ATP8A2: variants seen among roughly 807,000 people sequenced by gnomAD.
The protein encoded by ATP8A2 is ATPase phospholipid transporting 8A2.
In ATP8A2, 100 loss-of-function variants were observed where a neutral mutation model predicts 165.6. The ratio of observed to expected loss-of-function variants is 0.60; its 90% CI spans 0.51 to 0.71. The LOEUF (loss-of-function observed/expected upper bound fraction) is 0.71. Among genes scored for constraint, ATP8A2 ranks in the 30% least tolerant of loss-of-function variants. The pLI is 0.00. For synonymous variants in ATP8A2, 543 were observed against 548.8 expected (o/e 0.99, Z 0.15); for missense variants, 1,227 against 1,479.5 (o/e 0.83, Z 2.80).
intron 25 of ATP8A2, among the ~76,000 whole-genome samples, chr13:25,699,585 C>T (rs910913341): frequency 6.6e-6 from 1 of 152,166 alleles, no homozygotes; most frequent in Non-Finnish European, 1.5e-5. Flanking sequence ...AGAACCAGGG[C>T]TTCCAGTCAC....
At chr13:25,872,050 AC>A (rs375260876) in intron 33 of ATP8A2, among the ~76,000 whole-genome samples, 8 of 44,494 alleles carry the variant, frequency 1.8e-4, no homozygotes, top group Admixed American at 1.3e-3. Context: ...CATTCCCCTC[AC>A]CCCCCCGCCC....
intron 1 of ATP8A2, among the ~76,000 whole-genome samples, chr13:25,378,018 T>C (rs1262711659): frequency 6.6e-6 from 1 of 151,992 alleles, no homozygotes; most frequent in Non-Finnish European, 1.5e-5. Context: ...CTTGAGAGGC[T>C]GAGGCAGAAG....
intron 27 of ATP8A2, among the ~76,000 whole-genome samples, chr13:25,825,145 C>CTTTTTT (rs60778003): frequency 6.9e-4 from 19 of 27,512 alleles, no homozygotes; most frequent in East Asian, 1.3e-3. Flanking sequence ...TATGTGTTTG[C>CTTTTTT]TTTTTTTTTT....
At chr13:25,946,834 G>C (rs1955227288) in intron 33 of ATP8A2, among the ~76,000 whole-genome samples, 2 of 152,116 alleles carry the variant, frequency 1.3e-5, no homozygotes, top group South Asian at 4.1e-4. Flanking sequence ...TGCAATCTCT[G>C]CCTCCTGGGT....
chr13:25,878,284 C>G (rs1952873720), intron 33 of ATP8A2, among the ~76,000 whole-genome samples: 2 of 152,082 alleles, frequency 1.3e-5, no homozygotes, highest in Admixed American at 1.3e-4. Context: ...ACAAATGAAC[C>G]TAGATCATTT....
intron 24 of ATP8A2, among the ~76,000 whole-genome samples, chr13:25,658,368 T>C (rs557870583): frequency 1.4e-4 from 22 of 152,308 alleles, no homozygotes; most frequent in Admixed American, 1.0e-3. Flanking sequence ...CCAGGCACGG[T>C]GGCTCACACC....
intron 35 of ATP8A2, among the ~76,000 whole-genome samples, chr13:25,979,465 T>G (rs556986615): frequency 6.6e-6 from 1 of 152,300 alleles, no homozygotes; most frequent in South Asian, 2.1e-4. Context: ...AGTCTTCCTT[T>G]TCTAATAGGG....
intron 34 of ATP8A2, among the ~76,000 whole-genome samples, chr13:25,965,015 T>G (rs983493648): frequency 6.6e-6 from 1 of 152,058 alleles, no homozygotes; most frequent in African/African-American, 2.4e-5. Flanking sequence ...AAAAATTAGT[T>G]GGGCATGATG....
intron 24 of ATP8A2, among the ~76,000 whole-genome samples, chr13:25,678,693 T>G (rs1018468496): frequency 6.6e-6 from 1 of 152,138 alleles, no homozygotes; most frequent in Non-Finnish European, 1.5e-5. Context: ...GGCAGCAGGA[T>G]AGCTGGAAAG....
chr13:25,705,755 G>A (rs2043043287), intron 25 of ATP8A2, among the ~76,000 whole-genome samples: 2 of 152,220 alleles, frequency 1.3e-5, no homozygotes, highest in Non-Finnish European at 2.9e-5. Flanking sequence ...CTAGGGATTA[G>A]CACTGTTGAC....
At chr13:25,391,019 C>T (rs935014353) in intron 1 of ATP8A2, among the ~76,000 whole-genome samples, 3 of 152,080 alleles carry the variant, frequency 2.0e-5, no homozygotes, top group Admixed American at 6.5e-5. Flanking sequence ...TAGGGATGGA[C>T]TGCAGTTTGT....
intron 36 of ATP8A2, among the ~76,000 whole-genome samples, chr13:26,017,839 C>T (rs1385851576): frequency 2.6e-5 from 4 of 152,256 alleles, no homozygotes; most frequent in African/African-American, 9.6e-5. Context: ...AGACACCCAC[C>T]TGCTCCTGTA....
At chr13:25,792,186 C>T (rs1160295190) in intron 27 of ATP8A2, among the ~76,000 whole-genome samples, 5 of 152,132 alleles carry the variant, frequency 3.3e-5, no homozygotes, top group Non-Finnish European at 7.3e-5. Context: ...AACAATGTAC[C>T]GATATCAGAC....
chr13:25,558,850 C>T, intron 13 of ATP8A2, 123 bp from the exon 14 acceptor site: 2 of 577,020 alleles, frequency 3.5e-6, no homozygotes, highest in Non-Finnish European at 3.0e-6. Flanking sequence ...TACTAATTTG[C>T]TTGCTTTAGG....
rs995016309 is a variant in ATP8A2 at position 26,022,545 on chromosome 13, T to A, written c.*2560T>A. On this transcript the variant is annotated 3_prime_UTR_variant, in exon 37 of 37. Coordinates refer to ENST00000381655, the MANE Select transcript of ATP8A2 (RefSeq NM_016529.6). ...ACACAGAAGAAAACATTAGAAGAGA[T>A]GCCTTTCTATCCTCTCATGTGGTTG... The A allele has an allele frequency of 6.6e-6, 1 of 152,242 alleles. No individual in the cohort carries two copies. The highest frequency in any genetic ancestry group is 1.5e-5 in the Non-Finnish European group (1 of 68,044). The allele number at this position is 152,242 out of a possible 1,614,324, so 9.4% of individuals were successfully genotyped here.
intron 27 of ATP8A2, among the ~76,000 whole-genome samples, chr13:25,807,967 T>G (rs1307474735): frequency 6.6e-6 from 1 of 152,234 alleles, no homozygotes; most frequent in Non-Finnish European, 1.5e-5. Flanking sequence ...ACTGAGGCTC[T>G]ACAGTAGCCA....
chr13:25,808,958 G>A (rs888626104), intron 27 of ATP8A2, among the ~76,000 whole-genome samples: 1 of 152,162 alleles, frequency 6.6e-6, no homozygotes, highest in African/African-American at 2.4e-5. Flanking sequence ...ACAAATCTCA[G>A]AAGGAAGAAT....
At chr13:25,431,332 A>G (rs1389896767) in intron 1 of ATP8A2, among the ~76,000 whole-genome samples, 2 of 152,022 alleles carry the variant, frequency 1.3e-5, no homozygotes, top group Admixed American at 6.6e-5. Flanking sequence ...ATTTTTTAGT[A>G]GAGACGGGGT....
chr13:25,377,446 G>A (rs1350741081), intron 1 of ATP8A2, among the ~76,000 whole-genome samples: 1 of 152,196 alleles, frequency 6.6e-6, no homozygotes, highest in Non-Finnish European at 1.5e-5. Flanking sequence ...ATAGAGTAAG[G>A]AGTGGGGACC....
Sources: gnomAD v4.1 joint callset for allele counts (sites outside exome capture counted in the v4.1 genomes callset) on GRCh38, gnomAD v4.1.1 for gene constraint, MANE v1.5 for transcripts, NCBI Gene and HGNC (gene_info 2026-07-23, HGNC 2026-07-21) for gene names.